RAD1: variants seen among roughly 807,000 people sequenced by gnomAD.
RAD1 encodes cell cycle checkpoint protein RAD1.
RAD1 carries 21 observed loss-of-function variants against 30.0 expected under a neutral mutation model. That is an observed-to-expected ratio of 0.70 (90% CI 0.50 to 1.01). The LOEUF is 1.01. Ranked by LOEUF, RAD1 falls within the 50% of genes least tolerant of loss-of-function variation. The pLI, the probability that RAD1 is intolerant of heterozygous loss-of-function variation, is 0.00. For synonymous variants in RAD1, 109 were observed against 113.6 expected (o/e 0.96, Z 0.26); for missense variants, 329 against 329.0 (o/e 1.00, Z 0.00).
chr5:34,914,553 T>C, intron 2 of RAD1, 142 bp downstream of exon 2: 3 of 761,032 alleles, frequency 3.9e-6, no homozygotes, highest in South Asian at 3.9e-5. Flanking sequence ...TTAAGACTAT[T>C]ATTTATTTAT....
chr5:34,911,191 A>AAAAGATG (rs1763826745), intron 4 of RAD1, among the ~76,000 whole-genome samples: 2 of 152,222 alleles, frequency 1.3e-5, no homozygotes, highest in Non-Finnish European at 2.9e-5. Context: ...TGCATCCTGA[A>AAAAGATG]CTAACTTGAA....
At position 34,908,960 on chromosome 5, in the gene RAD1, A is replaced by G; in HGVS notation, c.666-12T>C. 13 of 1,592,302 alleles carry G rather than the reference A, an allele frequency of 8.2e-6. No homozygotes were observed. The highest frequency in any genetic ancestry group is 1.1e-5 in the Non-Finnish European group (13 of 1,171,100). The stretch of plus-strand genomic sequence containing the variant: ...AGGAAATCTTGTATCTGTAGAAGAA[A>G]AAATAAAACGCTGTTATATCAACAC... On this transcript the variant is annotated splice_polypyrimidine_tract_variant and intron_variant, in intron 5 of 5. Transcript: ENST00000382038.
Position 34,909,258 on chromosome 5 carries a change from C to G in RAD1, c.665G>C (p.Arg222Thr), listed in dbSNP as rs775180055. 16 of 1,593,948 alleles carry G rather than the reference C, an allele frequency of 1.0e-5. No individual in the cohort carries two copies. In the South Asian group the frequency reaches 1.7e-4, roughly 17 times the overall value. Residue 222 changes from arginine (R) to threonine (T), a missense_variant and splice_region_variant, in exon 5 of 6, where the codon AGA becomes ACA. By Grantham distance (71) the Arg-to-Thr change is moderately conservative. Transcript: ENST00000382038. The part of the protein sequence containing the change: ...AFHCNQTQVN[R>T]YKISLLKPST... Reference sequence around the variant, plus strand: ...GACAACCTCTATATTAAGAACTGACCTGTTGACTTGGGTCTGATTACAATG... The same window carrying G: ...GACAACCTCTATATTAAGAACTGACGTGTTGACTTGGGTCTGATTACAATG...
chr5:34,909,237 A>G, intron 5 of RAD1, 21 bp downstream of exon 5: 1 of 1,504,062 alleles, frequency 6.6e-7, no homozygotes, highest in Admixed American at 1.8e-5. Context: ...ACCAATGACA[A>G]CCTCTATATT....
In RAD1 at chr5:34,911,591, G is replaced by C. The variant is rs1580506993; in HGVS notation, c.529C>G (p.Leu177Val). 6.2e-7 allele frequency: 1 copy of C among 1,614,146 alleles called. No homozygotes were observed. The highest frequency in any genetic ancestry group is 2.2e-5 in the East Asian group (1 of 44,882). Residue 177 changes from leucine to valine, a missense_variant, in exon 4 of 6, where the codon CTA becomes GTA. Physicochemically the swap from Leu to Val is conservative, Grantham distance 32 (BLOSUM62 1). Coordinates refer to ENST00000382038, the MANE Select transcript of RAD1 (RefSeq NM_002853.4). ...TTGTCAGGAGACATGGTAATTTGTA[G>C]GACTTCACTCGTCATATCCAATTCA... ...FSELDMTSEV[L>V]QITMSPDKPY...
chr5:34,911,518 G>T (rs1201606920), intron 4 of RAD1, 36 bp downstream of exon 4: 2 of 1,607,562 alleles, frequency 1.2e-6, no homozygotes, highest in Admixed American at 3.4e-5. Flanking sequence ...ATGGAGTACA[G>T]ACCACATTAA....
At chr5:34,909,427 AC>A in intron 4 of RAD1, 71 bp from the exon 5 acceptor site, 1 of 1,067,138 alleles carries the variant, frequency 9.4e-7, no homozygotes, top group Non-Finnish European at 1.4e-6. Flanking sequence ...AATAAAGAAA[AC>A]ACTTCCTTAA....
chr5:34,907,801 T>C lies in RAD1; in HGVS notation c.*964A>G, dbSNP rs1404089012. The C allele has an allele frequency of 6.6e-6, 1 of 152,218 alleles. No homozygotes were observed. Among genetic ancestry groups the C allele is most frequent in the East Asian group, 1.9e-4 (1 of 5,198 alleles). The allele number at this position is 152,218 out of a possible 1,614,324, so 9.4% of individuals were successfully genotyped here. A position where few individuals can be genotyped will look rare whatever the true frequency, so the allele number is the denominator to read the frequency against. On this transcript the variant is annotated 3_prime_UTR_variant, in exon 6 of 6. Transcript: ENST00000382038. ...CACATAAAGAATTGTTCAGACTTGT[T>C]TGGTGATGCCTCAACTTCAGAACAT...
intron 5 of RAD1, 110 bp downstream of exon 5, chr5:34,909,147 AT>A (rs888972062): frequency 5.2e-6 from 5 of 967,518 alleles, no homozygotes; most frequent in Non-Finnish European, 7.7e-6. Context: ...ATTCATTTTT[AT>A]AAAATGCTGT....
chr5:34,909,419 TAAAG>T (rs925288311), intron 4 of RAD1, 63 bp from the exon 5 acceptor site: 43 of 1,139,032 alleles, frequency 3.8e-5, no homozygotes, highest in Non-Finnish European at 5.3e-5. Context: ...AGGATCCAAA[TAAAG>T]AAAACACTTC....
rs760639492 is a variant in RAD1 at position 34,913,485 on chromosome 5, A to C, written c.292T>G (p.Ser98Ala). Reference protein sequence around the residue: ...VLLDCLSIFGSSPMPGTLTAL... With the variant: ...VLLDCLSIFGASPMPGTLTAL... Reference sequence around the variant, plus strand: ...CATAGTTTACCTGGCATAGGACTTGATCCAAAAATAGATAAACAGTCTAAA... The same window carrying C: ...CATAGTTTACCTGGCATAGGACTTGCTCCAAAAATAGATAAACAGTCTAAA... The change falls in exon 3 of 6, where the codon TCA (serine) becomes GCA (alanine). Residue 98 changes from serine to alanine, a missense_variant. Physicochemically the swap from Ser to Ala is moderately conservative, Grantham distance 99. Coordinates refer to ENST00000382038, the MANE Select transcript of RAD1 (RefSeq NM_002853.4). The C allele has an allele frequency of 1.3e-6, 2 of 1,579,334 alleles. No homozygotes were observed. Among genetic ancestry groups the C allele is most frequent in the Non-Finnish European group, 1.7e-6 (2 of 1,156,712 alleles).
rs1167937270 is a variant in RAD1 at position 34,906,439 on chromosome 5, G to T, written c.*2326C>A. On this transcript the variant is annotated 3_prime_UTR_variant, in exon 6 of 6. Transcript: ENST00000382038. ...GGATTGCTTGAGCTCAGGAGTTCAA[G>T]ATTAGCCTAGGGAACATAGTAAAAC... 1.3e-5 allele frequency: 2 copies of T among 152,096 alleles called. No individual in the cohort carries two copies. The highest frequency in any genetic ancestry group is 4.8e-5 in the African/African-American group (2 of 41,414). The allele number at this position is 152,096 out of a possible 1,614,324, so 9.4% of individuals were successfully genotyped here.
At chr5:34,915,155 A>G (rs1764011572) in intron 1 of RAD1, among the ~76,000 whole-genome samples, 194 bp from the exon 2 acceptor site, 2 of 152,218 alleles carry the variant, frequency 1.3e-5, no homozygotes. Flanking sequence ...CCGTAAGAGG[A>G]CAATAACGTG....
chr5:34,908,496 A>T lies in RAD1; in HGVS notation c.*269T>A, dbSNP rs1226655320. 3.8e-6 allele frequency: 1 copy of T among 265,132 alleles called. No homozygotes were observed. The highest frequency in any genetic ancestry group is 2.2e-5 in the African/African-American group (1 of 45,428). 16.4% of individuals were successfully genotyped at this position (265,132 alleles called of 1,614,324 possible). ...TTTAGACTCTTGAAATGTTACGCTG[A>T]CTCACAATTATTCCCATGAGTTCAA... On this transcript the variant is annotated 3_prime_UTR_variant, in exon 6 of 6. Transcript: ENST00000382038.
rs1334094525 is a variant in RAD1 at position 34,914,696 on chromosome 5, T to C, written c.197A>G (p.Gln66Arg). Residue 66 changes from glutamine to arginine, a missense_variant and splice_region_variant, in exon 2 of 6, where the codon CAG becomes CGG. By Grantham distance (43) the Gln-to-Arg change is conservative. Coordinates refer to ENST00000382038, the MANE Select transcript of RAD1 (RefSeq NM_002853.4). Reference sequence around the variant, plus strand: ...GCTTAAAGGCGCCTACTTCCATACCTGAATAAAAGCATTTGCTTGCACACA... The same window carrying C: ...GCTTAAAGGCGCCTACTTCCATACCCGAATAAAAGCATTTGCTTGCACACA... ...AKCVQANAFI[Q>R]AGIFQEFKVQ... 6 of 1,614,188 alleles carry C rather than the reference T, an allele frequency of 3.7e-6. No individual in the cohort carries two copies. Among genetic ancestry groups the C allele is most frequent in the Non-Finnish European group, 5.1e-6 (6 of 1,179,992 alleles).
At chr5:34,910,584 C>G (rs187306137) in intron 4 of RAD1, among the ~76,000 whole-genome samples, 7 of 152,156 alleles carry the variant, frequency 4.6e-5, no homozygotes, top group African/African-American at 1.7e-4. Context: ...CGTGCCACCA[C>G]GCCCAACTAA....
At chr5:34,911,953 T>A in intron 3 of RAD1, 141 bp from the exon 4 acceptor site, 5 of 993,970 alleles carry the variant, frequency 5.0e-6, no homozygotes, top group Non-Finnish European at 6.0e-6. Flanking sequence ...TAAAAAGGGA[T>A]GACATCTTCC....
In RAD1 at chr5:34,915,497, G is replaced by A. The variant is rs1375614427; in HGVS notation, c.-151C>T. 3 of 443,882 alleles carry A rather than the reference G, an allele frequency of 6.8e-6. No individual in the cohort carries two copies. The highest frequency in any genetic ancestry group is 7.8e-5 in the East Asian group (2 of 25,778). 27.5% of individuals were successfully genotyped at this position (443,882 alleles called of 1,614,324 possible). On this transcript the variant is annotated 5_prime_UTR_variant, in exon 1 of 6. Coordinates refer to ENST00000382038, the MANE Select transcript of RAD1 (RefSeq NM_002853.4). The stretch of plus-strand genomic sequence containing the variant: ...AGCGAGGCGGCTCCGAGGAACCGCG[G>A]AGGAAGTGAAGCCAGTCCCGCCACT...
In RAD1 at chr5:34,914,944, C is replaced by T; in HGVS notation, c.-52G>A. The T allele has an allele frequency of 1.3e-6, 2 of 1,595,914 alleles. No individual in the cohort carries two copies. The highest frequency in any genetic ancestry group is 8.6e-7 in the Non-Finnish European group (1 of 1,168,286). Reference sequence around the variant, plus strand: ...GATGCTCCTGGGGCCAACAACTTCTCGGCGGATCGCCAAACACCTGAAGGG... The same window carrying T: ...GATGCTCCTGGGGCCAACAACTTCTTGGCGGATCGCCAAACACCTGAAGGG... On this transcript the variant is annotated 5_prime_UTR_variant, in exon 2 of 6. Coordinates refer to ENST00000382038, the MANE Select transcript of RAD1 (RefSeq NM_002853.4).
Sources: gnomAD v4.1 joint callset for allele counts (sites outside exome capture counted in the v4.1 genomes callset) on GRCh38, gnomAD v4.1.1 for gene constraint, MANE v1.5 for transcripts, NCBI Gene and HGNC (gene_info 2026-07-23, HGNC 2026-07-21) for gene names.